TBC1D5: variants seen among roughly 807,000 people sequenced by gnomAD.
TBC1D5 encodes TBC1 domain family member 5.
In TBC1D5, 75 loss-of-function variants were observed where a neutral mutation model predicts 100.3. That is an observed-to-expected ratio of 0.75 (90% CI 0.62 to 0.91). TBC1D5 has a LOEUF of 0.91. TBC1D5 is among the 40% of genes least tolerant of loss of function. The pLI is 0.00. For missense variants in TBC1D5, 910 were observed against 942.4 expected, an observed-to-expected ratio of 0.97 and a Z score of 0.45; for synonymous variants, 323 against 325.6, an observed-to-expected ratio of 0.99 and a Z score of 0.09.
intron 8 of TBC1D5, among the ~76,000 whole-genome samples, chr3:17,398,517 G>T (rs902724247): frequency 7.2e-5 from 11 of 152,074 alleles, no homozygotes; most frequent in African/African-American, 2.7e-4. Flanking sequence ...ATTTAAAGAT[G>T]TTTGAGATAA....
At position 17,271,899 on chromosome 3, in the gene TBC1D5, T is replaced by C. The variant is rs145785541; in HGVS notation, c.1246-13308A>G. On this transcript the variant is annotated intron_variant, in intron 15 of 21. Transcript: ENST00000253692. ...TTTTTAATTCAGTTTATGTGGTTAC[T>C]ATACAAGACGACCATCTGCAACCCA... 3.4e-3 allele frequency among the ~76,000 whole-genome samples: 512 copies of C among 152,308 alleles called. 4 individuals are homozygous for C. Among genetic ancestry groups the C allele is most frequent in the African/African-American group, 0.011 (466 of 41,576 alleles).
At chr3:17,618,396 C>T (rs776316259) in intron 2 of TBC1D5, among the ~76,000 whole-genome samples, 9 of 152,226 alleles carry the variant, frequency 5.9e-5, no homozygotes, top group Admixed American at 4.6e-4. Context: ...ATTCTCAGAG[C>T]TTAAATGCTG....
intron 13 of TBC1D5, among the ~76,000 whole-genome samples, chr3:17,314,754 T>C (rs2084466431): frequency 6.6e-6 from 1 of 152,230 alleles, no homozygotes; most frequent in Admixed American, 6.5e-5. Context: ...ATATTTTGGC[T>C]TCAGGCTGTC....
chr3:17,475,154 G>A (rs73042828), intron 3 of TBC1D5, among the ~76,000 whole-genome samples: 4,253 of 151,986 alleles, frequency 0.028, 103 homozygotes, highest in Non-Finnish European at 0.05. Flanking sequence ...CATGTTAAGA[G>A]TATCCGGTGG....
At chr3:17,587,130 A>AT (rs948332748) in intron 2 of TBC1D5, among the ~76,000 whole-genome samples, 1 of 151,870 alleles carries the variant, frequency 6.6e-6, no homozygotes, top group African/African-American at 2.4e-5. Context: ...CTAAAGAAAA[A>AT]TTTTTTTTCA....
intron 19 of TBC1D5, among the ~76,000 whole-genome samples, chr3:17,173,203 T>C (rs960395514): frequency 6.6e-6 from 1 of 152,176 alleles, no homozygotes; most frequent in African/African-American, 2.4e-5. Flanking sequence ...TGAGGTCTCA[T>C]GACTTGAAGG....
At chr3:17,269,274 G>T (rs1037208575) in intron 15 of TBC1D5, among the ~76,000 whole-genome samples, 5 of 152,082 alleles carry the variant, frequency 3.3e-5, no homozygotes, top group Non-Finnish European at 7.4e-5. Context: ...AAGGGAGAAT[G>T]CTCACGAACA....
At chr3:17,403,235 T>G in exon 8 of TBC1D5, 4 of 1,590,140 alleles carry the variant, frequency 2.5e-6, no homozygotes, top group Non-Finnish European at 3.4e-6. Flanking sequence ...TTGGAAGAAT[T>G]TGTTCCAAAG....
At chr3:17,254,693 C>G (rs1217077821) in intron 16 of TBC1D5, among the ~76,000 whole-genome samples, 1 of 135,844 alleles carries the variant, frequency 7.4e-6, no homozygotes. Context: ...TTCATTTTAT[C>G]TATCTTTTCT....
At chr3:17,187,096 AAAG>A (rs2069224653) in intron 18 of TBC1D5, among the ~76,000 whole-genome samples, 1 of 152,156 alleles carries the variant, frequency 6.6e-6, no homozygotes. Flanking sequence ...GGAATTAGAG[AAAG>A]AAGGCTACAT....
chr3:17,376,056 A>G (rs2092694691), intron 10 of TBC1D5, among the ~76,000 whole-genome samples: 1 of 152,208 alleles, frequency 6.6e-6, no homozygotes, highest in African/African-American at 2.4e-5. Flanking sequence ...AATATATCTA[A>G]AAAATTTGAG....
intron 2 of TBC1D5, among the ~76,000 whole-genome samples, chr3:17,577,425 A>G (rs1052216654): frequency 4.6e-5 from 7 of 151,964 alleles, no homozygotes; most frequent in African/African-American, 1.7e-4. Context: ...GATCTAGGTA[A>G]ACATCCACAC....
chr3:17,726,196 T>C (rs1301667876), intron 1 of TBC1D5, among the ~76,000 whole-genome samples: 1 of 152,232 alleles, frequency 6.6e-6, no homozygotes, highest in Admixed American at 6.5e-5. Flanking sequence ...TGTGTTTTTA[T>C]GATATAAAAA....
At chr3:17,620,093 T>C (rs2062526707) in intron 2 of TBC1D5, among the ~76,000 whole-genome samples, 3 of 152,184 alleles carry the variant, frequency 2.0e-5, no homozygotes, top group Non-Finnish European at 4.4e-5. Context: ...TGCAGGGAAC[T>C]GGGCAATATT....
intron 13 of TBC1D5, among the ~76,000 whole-genome samples, chr3:17,345,059 A>G (rs1226185393): frequency 6.6e-6 from 1 of 152,180 alleles, no homozygotes; most frequent in East Asian, 1.9e-4. Flanking sequence ...AAAAGCCAAA[A>G]TTGACAAATG....
At chr3:17,548,346 T>G (rs778979908) in intron 2 of TBC1D5, among the ~76,000 whole-genome samples, 3 of 152,046 alleles carry the variant, frequency 2.0e-5, no homozygotes, top group East Asian at 3.9e-4. Flanking sequence ...AAAATTCATA[T>G]ATCAGTAGAA....
chr3:17,645,545 A>C (rs2064941414), intron 1 of TBC1D5, among the ~76,000 whole-genome samples: 1 of 152,150 alleles, frequency 6.6e-6, no homozygotes, highest in Non-Finnish European at 1.5e-5. Flanking sequence ...AGATGGGTGC[A>C]TGAAACTGTT....
intron 15 of TBC1D5, among the ~76,000 whole-genome samples, chr3:17,261,148 G>T (rs189802108): frequency 6.6e-6 from 1 of 152,196 alleles, no homozygotes; most frequent in Non-Finnish European, 1.5e-5. Flanking sequence ...AGTAAGTACA[G>T]TTCTTCCAAT....
intron 16 of TBC1D5, 49 bp downstream of exon 16, chr3:17,258,457 T>G: frequency 2.6e-6 from 4 of 1,555,602 alleles, no homozygotes; most frequent in Non-Finnish European, 3.5e-6. Context: ...TGATGATCTC[T>G]GAGACTACCT....
Sources: gnomAD v4.1 joint callset for allele counts (sites outside exome capture counted in the v4.1 genomes callset) on GRCh38, gnomAD v4.1.1 for gene constraint, MANE v1.5 for transcripts, NCBI Gene and HGNC (gene_info 2026-07-23, HGNC 2026-07-21) for gene names.